The following AFF3 variants were observed in gnomAD, a reference collection of about 807,000 sequenced individuals.
The protein encoded by AFF3 is AF4/FMR2 family member 3.
Under a neutral mutation model 129.7 loss-of-function variants are expected in AFF3, and 32 were observed. That is an observed-to-expected ratio of 0.25 (90% CI 0.19 to 0.33). The LOEUF (loss-of-function observed/expected upper bound fraction) is 0.33, where lower values mean the gene tolerates loss of function less well. Ranked by LOEUF, AFF3 falls within the 10% of genes least tolerant of loss-of-function variation. The probability of loss-of-function intolerance (pLI) is 1.00; values close to 1 mark genes in which losing one functional copy is unlikely to be tolerated. For synonymous variants in AFF3, 644 were observed against 635.4 expected (o/e 1.01, Z -0.20); for missense variants, 1,373 against 1,592.0 (o/e 0.86, Z 2.34).
At chr2:99,770,104 A>T (rs550125777) in intron 8 of AFF3, among the ~76,000 whole-genome samples, 1 of 152,134 alleles carries the variant, frequency 6.6e-6, no homozygotes, top group Non-Finnish European at 1.5e-5. Context: ...GGGTCCAGAG[A>T]TGCTGTCTAG....
chr2:99,753,657 A>C (rs1420631964), intron 8 of AFF3, among the ~76,000 whole-genome samples: 7 of 152,126 alleles, frequency 4.6e-5, no homozygotes, highest in African/African-American at 1.7e-4. Flanking sequence ...CCACACAGGA[A>C]GCCGTGGGAG....
intron 4 of AFF3, among the ~76,000 whole-genome samples, chr2:100,011,121 A>C (rs1205856175): frequency 1.3e-5 from 2 of 152,106 alleles, no homozygotes; most frequent in African/African-American, 4.8e-5. Flanking sequence ...AAAAATACAA[A>C]AAATTAGCCA....
At chr2:99,889,236 A>G (rs1264250793) in intron 7 of AFF3, among the ~76,000 whole-genome samples, 3 of 152,096 alleles carry the variant, frequency 2.0e-5, no homozygotes, top group African/African-American at 7.2e-5. Flanking sequence ...AACTCCTGGG[A>G]CCAAGCAATC....
At chr2:99,747,672 T>A (rs541820314) in intron 9 of AFF3, among the ~76,000 whole-genome samples, 1 of 152,330 alleles carries the variant, frequency 6.6e-6, no homozygotes, top group African/African-American at 2.4e-5. Flanking sequence ...TTATTATTTC[T>A]GTTTTGTGTG....
At chr2:99,966,338 T>C (rs910248345) in intron 7 of AFF3, among the ~76,000 whole-genome samples, 3 of 152,056 alleles carry the variant, frequency 2.0e-5, no homozygotes, top group African/African-American at 4.8e-5. Flanking sequence ...TTGTTATTCA[T>C]GGACAAAAAA....
At chr2:99,664,135 C>A (rs764915536) in intron 12 of AFF3, among the ~76,000 whole-genome samples, 39 of 152,298 alleles carry the variant, frequency 2.6e-4, no homozygotes, top group Admixed American at 4.6e-4. Context: ...TTAAAACCAA[C>A]AGTTACAGAA....
At position 100,134,762 on chromosome 2, in the gene AFF3, G is replaced by A. The variant is rs144650246; in HGVS notation, c.-227-5456C>T. ...TCATTTACTGAAAAGTTATCCAATC[G>A]TTCATTTATTCAGTAAACAGTTTAT... On this transcript the variant is annotated intron_variant, in intron 1 of 24. Transcript: ENST00000672756. Among the ~76,000 whole-genome samples, 917 of 152,172 alleles carry A rather than the reference G, an allele frequency of 6.0e-3. 14 individuals are homozygous for A. The highest frequency in any genetic ancestry group is 0.021 in the African/African-American group (879 of 41,512).
At chr2:100,109,930 C>G (rs976719168) in intron 2 of AFF3, 1 of 152,162 alleles carries the variant, frequency 6.6e-6, no homozygotes, top group African/African-American at 2.4e-5. Context: ...CATTCTCATG[C>G]TCACAGGCAC....
At chr2:99,760,251 C>G (rs1272391543) in intron 8 of AFF3, among the ~76,000 whole-genome samples, 1 of 151,960 alleles carries the variant, frequency 6.6e-6, no homozygotes, top group Non-Finnish European at 1.5e-5. Flanking sequence ...GCAAATGTAG[C>G]CTGTAATTAA....
At chr2:100,022,465 C>CA (rs1683670193) in intron 4 of AFF3, among the ~76,000 whole-genome samples, 1 of 152,068 alleles carries the variant, frequency 6.6e-6, no homozygotes, top group Non-Finnish European at 1.5e-5. Context: ...GGCTGGAGTG[C>CA]AGTGGTGTGA....
At chr2:99,899,029 C>T (rs1016876951) in intron 7 of AFF3, among the ~76,000 whole-genome samples, 1 of 152,162 alleles carries the variant, frequency 6.6e-6, no homozygotes, top group Admixed American at 6.5e-5. Flanking sequence ...CTGCAAATGC[C>T]GTATTTCTGC....
At chr2:99,832,407 T>C (rs1446338020) in intron 8 of AFF3, among the ~76,000 whole-genome samples, 3 of 152,200 alleles carry the variant, frequency 2.0e-5, no homozygotes, top group Non-Finnish European at 4.4e-5. Context: ...AGGTGGTCTC[T>C]TGTCCCACCT....
At chr2:100,027,939 CA>C (rs1172836910) in intron 4 of AFF3, among the ~76,000 whole-genome samples, 2 of 152,102 alleles carry the variant, frequency 1.3e-5, no homozygotes, top group African/African-American at 4.8e-5. Flanking sequence ...ACTATGAAAA[CA>C]TTGGTAATTC....
At chr2:100,094,214 A>G (rs149370679) in intron 4 of AFF3, among the ~76,000 whole-genome samples, 19,555 of 152,126 alleles carry the variant, frequency 0.13, 1,585 homozygotes, top group South Asian at 0.2. Context: ...GTTCAAGTGC[A>G]TTACATTTAT....
At chr2:99,662,111 G>C (rs1686291333) in intron 12 of AFF3, among the ~76,000 whole-genome samples, 1 of 151,734 alleles carries the variant, frequency 6.6e-6, no homozygotes, top group African/African-American at 2.4e-5. Flanking sequence ...CTGAACTTCA[G>C]CCTGGCAACA....
intron 11 of AFF3, among the ~76,000 whole-genome samples, chr2:99,678,744 C>G (rs985357700): frequency 2.0e-5 from 3 of 152,210 alleles, no homozygotes; most frequent in African/African-American, 7.2e-5. Flanking sequence ...ATGCAAATGT[C>G]TATTCTAACA....
chr2:99,837,513 A>C lies in AFF3; in HGVS notation c.885T>G (p.Ser295=). The C allele has an allele frequency of 6.2e-7, 1 of 1,613,790 alleles. No individual in the cohort carries two copies. Among genetic ancestry groups the C allele is most frequent in the Non-Finnish European group, 8.5e-7 (1 of 1,179,874 alleles). ...CTTCAACACAGCTGTTGGTTTCTCC[A>C]GATCTACTCTCCTGAAAGCAAAGAA... ...SIPKQGEESR[S]GETNSCVEEI... The change falls in exon 8 of 25, where the codon TCT becomes TCG. Residue 295 remains serine, a synonymous_variant. Transcript: ENST00000672756.
intron 4 of AFF3, among the ~76,000 whole-genome samples, chr2:100,023,264 C>T (rs780643761): frequency 5.3e-5 from 8 of 152,170 alleles, no homozygotes; most frequent in East Asian, 1.9e-4. Context: ...GACAGTTAAG[C>T]GCATACTATA....
intron 11 of AFF3, among the ~76,000 whole-genome samples, chr2:99,709,561 T>TA (rs1040713652): frequency 5.3e-5 from 8 of 152,132 alleles, no homozygotes; most frequent in Admixed American, 1.3e-4. Context: ...ATGGGTATTT[T>TA]AAAAAAATTA....
Sources: gnomAD v4.1 joint callset for allele counts (sites outside exome capture counted in the v4.1 genomes callset) on GRCh38, gnomAD v4.1.1 for gene constraint, MANE v1.5 for transcripts, NCBI Gene and HGNC (gene_info 2026-07-23, HGNC 2026-07-21) for gene names.